PARP10: variants seen among roughly 807,000 people sequenced by gnomAD.
The protein encoded by PARP10 is protein mono-ADP-ribosyltransferase PARP10.
In PARP10, 56 loss-of-function variants were observed where a neutral mutation model predicts 82.4. That is an observed-to-expected ratio of 0.68 (90% CI 0.55 to 0.85). The LOEUF (loss-of-function observed/expected upper bound fraction) is 0.85. Ranked by LOEUF, PARP10 falls within the 40% of genes least tolerant of loss-of-function variation. The pLI is 0.00. For missense variants in PARP10, 1,227 were observed against 1,379.4 expected, an observed-to-expected ratio of 0.89 and a Z score of 1.75; for synonymous variants, 576 against 601.1, an observed-to-expected ratio of 0.96 and a Z score of 0.61.
In PARP10 at chr8:143,977,962, C is replaced by G. The variant is rs1448498185; in HGVS notation, c.2676G>C (p.Pro892=). ...EQVLYHGTTA[P]AVPDICAHGF... The stretch of plus-strand genomic sequence containing the variant: ...CGTGGGCGCAGATGTCAGGCACTGC[C>G]GGTGCCGTCGTGCCGTGGTACAGCA... Residue 892 remains proline, a synonymous_variant, in exon 10 of 11, where the codon CCG becomes CCC. Transcript: ENST00000313028. 6.3e-7 allele frequency: 1 copy of G among 1,599,700 alleles called. No homozygotes were observed. The highest frequency in any genetic ancestry group is 8.5e-7 in the Non-Finnish European group (1 of 1,179,246).
upstream of PARP10, chr8:143,992,468 C>A (rs1554750710): frequency 6.2e-7 from 1 of 1,614,148 alleles, no homozygotes. Context: ...CCTGCAGACC[C>A]GCTACGACTT....
chr8:143,980,011 CA>C (rs1175660825), intron 9 of PARP10, among the ~76,000 whole-genome samples: 423 of 33,098 alleles, frequency 0.013, 1 homozygote, highest in African/African-American at 0.032. Flanking sequence ...GACTCCGTCT[CA>C]AAAAAAAAAA....
In PARP10 at chr8:143,984,107, G is replaced by C; in HGVS notation, c.1681-3C>G. The C allele has an allele frequency of 6.4e-7, 1 of 1,558,814 alleles. No homozygotes were observed. The highest frequency in any genetic ancestry group is 8.7e-7 in the Non-Finnish European group (1 of 1,151,342). On this transcript the variant is annotated splice_polypyrimidine_tract_variant and splice_region_variant and intron_variant, in intron 6 of 10. Transcript: ENST00000313028. Reference sequence around the variant, plus strand: ...GGGAGGGCCTCGGTAGGGTCCACCTGTAGGGAGAGGATGTCAGGACCACTA... The same window carrying C: ...GGGAGGGCCTCGGTAGGGTCCACCTCTAGGGAGAGGATGTCAGGACCACTA...
intron 1 of PARP10, among the ~76,000 whole-genome samples, chr8:144,001,675 C>G (rs1010846207): frequency 1.3e-5 from 2 of 152,026 alleles, no homozygotes; most frequent in African/African-American, 4.8e-5. Context: ...CATTGCACAC[C>G]AGCCTGGGCA....
At chr8:144,001,102 G>T (rs1834199432) in intron 1 of PARP10, among the ~76,000 whole-genome samples, 1 of 151,816 alleles carries the variant, frequency 6.6e-6, no homozygotes, top group Non-Finnish European at 1.5e-5. Context: ...TTTTAGTAGA[G>T]ACGAGGTTTC....
chr8:144,006,971 A>G (rs1274337105), intron 1 of PARP10, among the ~76,000 whole-genome samples: 2 of 152,118 alleles, frequency 1.3e-5, no homozygotes, highest in African/African-American at 4.8e-5. Context: ...CCTGCTCTCC[A>G]TTCCACCCTT....
chr8:143,977,776 T>C lies in PARP10; in HGVS notation c.2786A>G (p.Gln929Arg), dbSNP rs782455548. ...YFARRASLSV[Q>R]DRYSPPNADG... is the part of the protein sequence containing the mutation. ...GGCGTTGGGGGGCGAGTAGCGGTCC[T>C]GCACCGACAGGGAGGCGCGCCTGGC... is the stretch of plus-strand genomic sequence containing the variant. The change falls in exon 11 of 11, where the codon CAG (glutamine) becomes CGG (arginine). Residue 929 changes from glutamine (Q) to arginine (R), a missense_variant. Transcript: ENST00000313028. The C allele has an allele frequency of 1.7e-5, 28 of 1,604,016 alleles. No homozygotes were observed. The highest frequency in any genetic ancestry group is 6.8e-5 in the Admixed American group (4 of 59,256).
At chr8:143,991,744 C>A (rs1554750543), upstream of PARP10, 1 of 1,613,874 alleles carries the variant, frequency 6.2e-7, no homozygotes, top group East Asian at 2.2e-5. Flanking sequence ...ACTATGACAA[C>A]CAGGACTTCC....
At chr8:143,984,509 G>A (rs1554748676) in intron 5 of PARP10, 35 bp downstream of exon 5, 1 of 1,591,660 alleles carries the variant, frequency 6.3e-7, no homozygotes, top group Admixed American at 1.7e-5. Context: ...TAGGAGGAGG[G>A]GGCTGAAGGT....
chr8:143,982,429 G>A (rs1208866041), intron 9 of PARP10, among the ~76,000 whole-genome samples: 2 of 152,150 alleles, frequency 1.3e-5, no homozygotes, highest in African/African-American at 4.8e-5. Context: ...AGCCGAGATC[G>A]TGCCACTGCA....
intron 1 of PARP10, among the ~76,000 whole-genome samples, chr8:144,006,620 G>C (rs1834238518): frequency 6.6e-6 from 1 of 152,196 alleles, no homozygotes; most frequent in Non-Finnish European, 1.5e-5. Flanking sequence ...CTAAATGTTT[G>C]TGTCCCCCCT....
At chr8:143,994,668 C>G (rs938683184), upstream of PARP10, among the ~76,000 whole-genome samples, 1 of 152,186 alleles carries the variant, frequency 6.6e-6, no homozygotes, top group East Asian at 1.9e-4. Context: ...AGTGTGGGGA[C>G]ACACACTGCC....
At chr8:143,992,369 T>C, upstream of PARP10, 2 of 1,603,846 alleles carry the variant, frequency 1.2e-6, no homozygotes, top group Non-Finnish European at 8.5e-7. Flanking sequence ...ATCTTCTCCA[T>C]GCAGGTGAGG....
intron 7 of PARP10, 53 bp downstream of exon 7, chr8:143,983,955 G>T: frequency 6.8e-7 from 1 of 1,472,434 alleles, no homozygotes; most frequent in Non-Finnish European, 9.1e-7. Context: ...AGGGCAGGGG[G>T]TGAGGTCAAG....
intron 1 of PARP10, among the ~76,000 whole-genome samples, chr8:144,007,498 A>C (rs1205719592): frequency 1.3e-5 from 2 of 152,230 alleles, no homozygotes; most frequent in African/African-American, 2.4e-5. Context: ...TCCTTTAGAA[A>C]AAGGAAAAAG....
At position 144,008,019 on chromosome 8, in the gene PARP10, C is replaced by T. The variant is rs61156785; in HGVS notation, c.-80+4511G>A. On this transcript the variant is annotated intron_variant, in intron 1 of 3. Coordinates refer to the PARP10 transcript ENST00000530478. This position sits in a 1 kb window ranked among gnomAD's most constrained non-coding sequence, Gnocchi z 4.0. ...TGGAGAGGAGTCACTGCCGACGTCCCGGAGGGCCCTGGAAGTCAAATGCCA... is the reference window on the plus strand; with the variant it reads ...TGGAGAGGAGTCACTGCCGACGTCCTGGAGGGCCCTGGAAGTCAAATGCCA... Among the ~76,000 whole-genome samples the T allele has an allele frequency of 0.29, 44,149 of 152,072 alleles. 6,895 individuals carry two copies. The highest frequency in any genetic ancestry group is 0.35 in the South Asian group (1,677 of 4,826).
chr8:144,005,978 C>T (rs184506641), intron 1 of PARP10, among the ~76,000 whole-genome samples: 7 of 152,328 alleles, frequency 4.6e-5, no homozygotes, highest in South Asian at 2.1e-4. Flanking sequence ...CTGTTCTCCC[C>T]GCACTGGTAA....
rs1833952242 is a variant in PARP10 at position 143,985,070 on chromosome 8, C to A, written c.932G>T (p.Gly311Val). ...AATCCCTCTACCCTGCACCATGGGA[C>A]CTGTCCTCAGAGAGGCCCCTGACTG... ...PGQSGASLRT[G>V]PMVQGRGIMT... Residue 311 changes from glycine to valine, a missense_variant, in exon 5 of 11, where the codon GGT (glycine) becomes GTT (valine). By Grantham distance (109) the Gly-to-Val change is moderately radical. Coordinates refer to ENST00000313028, the MANE Select transcript of PARP10 (RefSeq NM_032789.5). 3 of 1,613,806 alleles carry A rather than the reference C, an allele frequency of 1.9e-6. 1 individual carries two copies. The South Asian group carries it at 3.3e-5, about 18-fold the overall frequency.
At chr8:144,010,777 T>C (rs1300310842) in intron 1 of PARP10, among the ~76,000 whole-genome samples, 2 of 152,028 alleles carry the variant, frequency 1.3e-5, no homozygotes, top group Non-Finnish European at 2.9e-5. Context: ...CTCAGCTACT[T>C]GGGAGGCTGA....
Sources: allele counts gnomAD v4.1 joint callset (sites outside exome capture counted in the v4.1 genomes callset), GRCh38; gene constraint gnomAD v4.1.1; non-coding constraint Gnocchi (gnomAD v3.1); transcripts MANE v1.5; gene names NCBI Gene and HGNC (gene_info 2026-07-23, HGNC 2026-07-21).